TAFA5: variants seen among roughly 807,000 people sequenced by gnomAD.
TAFA5 encodes the protein chemokine-like protein TAFA-5.
A neutral mutation model predicts 15.3 loss-of-function variants in TAFA5; 6 were observed. That is an observed-to-expected ratio of 0.39 (90% CI 0.21 to 0.77). The LOEUF (loss-of-function observed/expected upper bound fraction) is 0.77. TAFA5 is among the 30% of genes least tolerant of loss of function. TAFA5 has a pLI of 0.41. For missense variants in TAFA5, 161 were observed against 193.1 expected (o/e 0.83, Z 0.98); for synonymous variants, 103 against 80.7 (o/e 1.28, Z -1.48).
At chr22:48,577,952 C>T (rs758152853) in intron 1 of TAFA5, among the ~76,000 whole-genome samples, 10 of 152,222 alleles carry the variant, frequency 6.6e-5, no homozygotes, top group Admixed American at 4.6e-4. Flanking sequence ...GGAGGCCATC[C>T]TTCCTGCTGA....
chr22:48,625,500 G>A (rs994997318), intron 1 of TAFA5, among the ~76,000 whole-genome samples: 9 of 152,276 alleles, frequency 5.9e-5, no homozygotes, highest in African/African-American at 2.2e-4. Flanking sequence ...TCTGTCCTAC[G>A]GGAAGCACCT....
At chr22:48,717,683 A>G (rs1412787185) in intron 3 of TAFA5, among the ~76,000 whole-genome samples, 3 of 152,230 alleles carry the variant, frequency 2.0e-5, no homozygotes, top group Non-Finnish European at 4.4e-5. Context: ...TGCAGGTGCC[A>G]TTGGAGAGTT....
At chr22:48,577,103 G>T (rs1183095062) in intron 1 of TAFA5, among the ~76,000 whole-genome samples, 1 of 152,216 alleles carries the variant, frequency 6.6e-6, no homozygotes, top group East Asian at 1.9e-4. Flanking sequence ...TGGGAAGCAG[G>T]GGCTTGGTCA....
chr22:48,711,195 G>C (rs738694), intron 3 of TAFA5, among the ~76,000 whole-genome samples: 78,267 of 151,932 alleles, frequency 0.52, 20,466 homozygotes, highest in East Asian at 0.65. Flanking sequence ...CCAGGCTAGT[G>C]ACTCTCAGGC....
chr22:48,494,465 G>A (rs1344548582), intron 1 of TAFA5, among the ~76,000 whole-genome samples: 1 of 152,244 alleles, frequency 6.6e-6, no homozygotes, highest in Non-Finnish European at 1.5e-5. Context: ...GAGCACTGGG[G>A]TGTGGAAAGC....
chr22:48,637,271 A>AG (rs1207965602), intron 1 of TAFA5, among the ~76,000 whole-genome samples: 2 of 152,112 alleles, frequency 1.3e-5, no homozygotes, highest in Non-Finnish European at 2.9e-5. Context: ...AGTGTGGCGT[A>AG]GGGGTGCATG....
At chr22:48,635,166 AC>A (rs1347551412) in intron 1 of TAFA5, among the ~76,000 whole-genome samples, 1 of 152,184 alleles carries the variant, frequency 6.6e-6, no homozygotes, top group Non-Finnish European at 1.5e-5. Flanking sequence ...AGCTCCGTCC[AC>A]CTAGCACCAG....
At chr22:48,677,061 A>G (rs1927998296) in intron 2 of TAFA5, among the ~76,000 whole-genome samples, 1 of 152,082 alleles carries the variant, frequency 6.6e-6, no homozygotes, top group Non-Finnish European at 1.5e-5. Context: ...ACTTCTGACC[A>G]CCCCAGAGCC....
intron 1 of TAFA5, among the ~76,000 whole-genome samples, chr22:48,637,475 G>A (rs1220052896): frequency 6.6e-6 from 1 of 152,176 alleles, no homozygotes; most frequent in East Asian, 1.9e-4. Context: ...ACACTGGCTG[G>A]CTAGTTTCAC....
At chr22:48,542,407 G>A (rs1452106043) in intron 1 of TAFA5, among the ~76,000 whole-genome samples, 1 of 106,860 alleles carries the variant, frequency 9.4e-6, no homozygotes, top group African/African-American at 4.0e-5. Context: ...GTGTGCGTGT[G>A]TGGCGTGTGT....
intron 1 of TAFA5, among the ~76,000 whole-genome samples, chr22:48,582,092 C>G (rs570641744): frequency 6.6e-6 from 1 of 152,038 alleles, no homozygotes; most frequent in Non-Finnish European, 1.5e-5. Flanking sequence ...ACCTGCCTGT[C>G]GGGGCAGGCG....
intron 1 of TAFA5, among the ~76,000 whole-genome samples, chr22:48,607,007 G>A (rs28413842): frequency 0.092 from 14,054 of 152,308 alleles, 884 homozygotes; most frequent in Non-Finnish European, 0.13. Context: ...GTCACCACAT[G>A]TACTCAGGAT....
intron 2 of TAFA5, among the ~76,000 whole-genome samples, chr22:48,680,889 C>T (rs968744820): frequency 1.7e-4 from 26 of 152,206 alleles, no homozygotes; most frequent in African/African-American, 5.1e-4. Context: ...CATCTTAGGG[C>T]GCCCGGGTGG....
intron 1 of TAFA5, chr22:48,576,317 T>TCGCCTCCCGGAGTGG: frequency 1.1e-6 from 1 of 920,390 alleles, no homozygotes; most frequent in Non-Finnish European, 1.3e-6. Flanking sequence ...AAGACACAAA[T>TCGCCTCCCGGAGTGG]CGCCTCCCGG....
chr22:48,622,659 C>T (rs778520284), intron 1 of TAFA5, among the ~76,000 whole-genome samples: 14 of 152,212 alleles, frequency 9.2e-5, no homozygotes, highest in South Asian at 2.1e-4. Flanking sequence ...TGTCACCTGC[C>T]GTGGTACGAC....
chr22:48,742,910 C>T lies in TAFA5; in HGVS notation c.391-6929C>T, dbSNP rs1172794601. On this transcript the variant is annotated intron_variant, in intron 3 of 3. Transcript: ENST00000402357. The surrounding 1 kb of genome is among the most constrained non-coding windows in gnomAD (Gnocchi z 6.2). The stretch of plus-strand genomic sequence containing the variant: ...CCTCCATGCAGCCCACACGCGGGGC[C>T]CCCACAGTGCGGACATGTTGGGGCA... 6.6e-6 allele frequency among the ~76,000 whole-genome samples: 1 copy of T among 152,146 alleles called. No individual in the cohort carries two copies. The highest frequency in any genetic ancestry group is 1.5e-5 in the Non-Finnish European group (1 of 68,006).
intron 1 of TAFA5, among the ~76,000 whole-genome samples, chr22:48,634,402 CACTCATTCACTCCTTT>C (rs1177059394): frequency 6.6e-6 from 1 of 152,136 alleles, no homozygotes; most frequent in Non-Finnish European, 1.5e-5. Context: ...CTCATTTATT[CACTCATTCACTCCTTT>C]ACTCATTCAC....
chr22:48,579,010 TTAAA>T (rs1363522827), intron 1 of TAFA5, among the ~76,000 whole-genome samples: 4 of 152,180 alleles, frequency 2.6e-5, no homozygotes, highest in African/African-American at 7.2e-5. Context: ...AAAGAGCTGT[TTAAA>T]TAGCCATTTT....
At chr22:48,746,014 A>T (rs1048701430) in intron 3 of TAFA5, among the ~76,000 whole-genome samples, 4 of 152,108 alleles carry the variant, frequency 2.6e-5, no homozygotes, top group African/African-American at 7.2e-5. Context: ...CACACACAGG[A>T]TGCAGCCTCC....
Sources: gnomAD v4.1 joint callset for allele counts (sites outside exome capture counted in the v4.1 genomes callset) on GRCh38, gnomAD v4.1.1 for gene constraint, Gnocchi (gnomAD v3.1) non-coding constraint, MANE v1.5 for transcripts, NCBI Gene and HGNC (gene_info 2026-07-23, HGNC 2026-07-21) for gene names.